Variants in CNTNAP2 observed in about 807,000 individuals in gnomAD.
CNTNAP2 encodes the protein contactin associated protein 2, also known as contactin-associated protein-like 2.
In CNTNAP2, 98 loss-of-function variants were observed where a neutral mutation model predicts 155.2. That is an observed-to-expected ratio of 0.63 (90% CI 0.54 to 0.75). The LOEUF is 0.75. CNTNAP2 is among the 30% of genes least tolerant of loss of function. The pLI, the probability that CNTNAP2 is intolerant of heterozygous loss-of-function variation, is 0.00. For missense variants in CNTNAP2, 1,727 were observed against 1,688.1 expected (o/e 1.02, Z -0.40); for synonymous variants, 651 against 631.2 (o/e 1.03, Z -0.47).
At chr7:146,946,093 C>CCTTT (rs1006677730) in intron 3 of CNTNAP2, among the ~76,000 whole-genome samples, 7 of 150,100 alleles carry the variant, frequency 4.7e-5, no homozygotes, top group Non-Finnish European at 8.9e-5. Context: ...TTCCTTCCTT[C>CCTTT]CTTTCCTTCT....
rs1424296861 is a variant in CNTNAP2, at chr7:148,416,730, A to G, written c.*1114A>G. On this transcript the variant is annotated 3_prime_UTR_variant, in exon 24 of 24. Transcript: ENST00000361727. ...TCTGGATGATATGGAAAACACTGCCATATTTTAAATCAACTACTCCACGTG... is the reference window on the plus strand; with the variant it reads ...TCTGGATGATATGGAAAACACTGCCGTATTTTAAATCAACTACTCCACGTG... 3 of 151,884 alleles carry G rather than the reference A, an allele frequency of 2.0e-5. No homozygotes were observed. The highest frequency in any genetic ancestry group is 1.9e-4 in the East Asian group (1 of 5,200). The allele number at this position is 151,884 out of a possible 1,614,324, so 9.4% of individuals were successfully genotyped here. A position where few individuals can be genotyped will look rare whatever the true frequency, so the allele number is the denominator to read the frequency against.
chr7:148,217,423 A>C lies in CNTNAP2; in HGVS notation c.3146A>C (p.Glu1049Ala). 1 of 1,614,160 alleles carries C rather than the reference A, an allele frequency of 6.2e-7. No individual in the cohort carries two copies. Among genetic ancestry groups the C allele is most frequent in the Non-Finnish European group, 8.5e-7 (1 of 1,180,028 alleles). Residue 1049 changes from glutamate (E) to alanine (A), a missense_variant, in exon 19 of 24, where the codon GAG becomes GCG. By Grantham distance (107) the Glu-to-Ala change is moderately radical. Coordinates refer to ENST00000361727, the MANE Select transcript of CNTNAP2 (RefSeq NM_014141.6). ...QQNSHPDLAQ[E>A]EIRFSFSTTK... is the part of the protein sequence containing the mutation. Reference sequence around the variant, plus strand: ...AACTCCCACCCGGACCTGGCACAGGAGGAGATCCGCTTCAGCTTCAGCACC... The same window carrying C: ...AACTCCCACCCGGACCTGGCACAGGCGGAGATCCGCTTCAGCTTCAGCACC...
chr7:147,851,278 G>A (rs1239219996), intron 13 of CNTNAP2, among the ~76,000 whole-genome samples: 2 of 152,170 alleles, frequency 1.3e-5, no homozygotes, highest in African/African-American at 4.8e-5. Flanking sequence ...AACAACAGGT[G>A]CTGGAGAGGA....
intron 4 of CNTNAP2, among the ~76,000 whole-genome samples, chr7:147,077,420 A>C (rs1457959686): frequency 6.6e-6 from 1 of 152,156 alleles, no homozygotes; most frequent in African/African-American, 2.4e-5. Flanking sequence ...GTATGATTCA[A>C]CTTCACAAAA....
chr7:147,658,998 G>T (rs1795573444), intron 13 of CNTNAP2, among the ~76,000 whole-genome samples: 1 of 152,158 alleles, frequency 6.6e-6, no homozygotes, highest in Admixed American at 6.5e-5. Flanking sequence ...CCTCAACCCA[G>T]CACTGACGAT....
chr7:147,981,537 C>A (rs1244706723), intron 15 of CNTNAP2, among the ~76,000 whole-genome samples: 1 of 152,134 alleles, frequency 6.6e-6, no homozygotes, highest in African/African-American at 2.4e-5. Flanking sequence ...GATGACAGCC[C>A]TCAGAACCTG....
intron 1 of CNTNAP2, among the ~76,000 whole-genome samples, chr7:146,696,362 A>G (rs1054568205): frequency 6.6e-6 from 1 of 152,156 alleles, no homozygotes; most frequent in East Asian, 1.9e-4. Context: ...TATGAAGTCA[A>G]TGTTAATTAC....
chr7:146,553,237 T>C (rs1449400734), intron 1 of CNTNAP2, among the ~76,000 whole-genome samples: 1 of 152,124 alleles, frequency 6.6e-6, no homozygotes, highest in Non-Finnish European at 1.5e-5. Flanking sequence ...TTTGAAATGC[T>C]AGAACATATA....
chr7:148,312,185 C>G (rs1797607889), intron 21 of CNTNAP2, among the ~76,000 whole-genome samples: 3 of 152,122 alleles, frequency 2.0e-5, no homozygotes, highest in Admixed American at 2.0e-4. Flanking sequence ...GTTGTTTGGA[C>G]AGAAAGGCTA....
At chr7:148,161,397 T>A (rs1046036695) in intron 17 of CNTNAP2, among the ~76,000 whole-genome samples, 5 of 152,180 alleles carry the variant, frequency 3.3e-5, no homozygotes, top group African/African-American at 4.8e-5. Context: ...ATTGTCTTCC[T>A]ACAATGAAAA....
At chr7:147,190,890 T>C (rs1731294003) in intron 8 of CNTNAP2, among the ~76,000 whole-genome samples, 1 of 151,962 alleles carries the variant, frequency 6.6e-6, no homozygotes, top group South Asian at 2.1e-4. Flanking sequence ...GACAGGAAAA[T>C]GATTGTGATA....
intron 21 of CNTNAP2, among the ~76,000 whole-genome samples, chr7:148,288,944 CAAAAAAA>C (rs58641348): frequency 0.072 from 7,294 of 101,778 alleles, 213 homozygotes; most frequent in Middle Eastern, 0.12. Flanking sequence ...TCTTATTCAG[CAAAAAAA>C]AAAAAAAAAA....
intron 15 of CNTNAP2, among the ~76,000 whole-genome samples, chr7:148,085,721 T>C (rs950734063): frequency 3.9e-5 from 6 of 151,922 alleles, no homozygotes; most frequent in Admixed American, 1.3e-4. Context: ...CCTTCCTTCC[T>C]TCCCTCCTTC....
intron 13 of CNTNAP2, among the ~76,000 whole-genome samples, chr7:147,712,444 C>T (rs952897758): frequency 6.6e-6 from 1 of 152,298 alleles, no homozygotes; most frequent in South Asian, 2.1e-4. Flanking sequence ...GACACATGCA[C>T]ATGTATGTTT....
chr7:148,352,154 C>A (rs899100404), intron 21 of CNTNAP2, among the ~76,000 whole-genome samples: 1 of 152,138 alleles, frequency 6.6e-6, no homozygotes, highest in Non-Finnish European at 1.5e-5. Flanking sequence ...AGCTGGATGC[C>A]GCTGAAGGGT....
chr7:147,990,625 G>A (rs1332874962), intron 15 of CNTNAP2, among the ~76,000 whole-genome samples: 2 of 152,104 alleles, frequency 1.3e-5, no homozygotes, highest in African/African-American at 4.8e-5. Flanking sequence ...ATCATTTGTG[G>A]TTTATGGTCA....
At position 146,814,278 on chromosome 7, in the gene CNTNAP2, C is replaced by A. The variant is rs568099977; in HGVS notation, c.209-25433C>A. Among the ~76,000 whole-genome samples, 8 of 152,066 alleles carry A rather than the reference C, an allele frequency of 5.3e-5. No individual in the cohort carries two copies. In the South Asian group the frequency reaches 1.7e-3, roughly 32 times the overall value. On this transcript the variant is annotated intron_variant, in intron 2 of 23. Coordinates refer to ENST00000361727, the MANE Select transcript of CNTNAP2 (RefSeq NM_014141.6). Reference sequence around the variant, plus strand: ...TTCCCTAGCCATTTCTTGGAGGTAGCCCCTTTGGAAGTATGACTAGACCTT... The same window carrying A: ...TTCCCTAGCCATTTCTTGGAGGTAGACCCTTTGGAAGTATGACTAGACCTT...
intron 11 of CNTNAP2, among the ~76,000 whole-genome samples, chr7:147,488,154 T>A (rs1798542770): frequency 6.6e-6 from 1 of 152,316 alleles, no homozygotes; most frequent in African/African-American, 2.4e-5. Flanking sequence ...ATGGATTAGT[T>A]AAAAATTTCA....
chr7:147,567,922 C>T (rs1347191984), intron 12 of CNTNAP2, among the ~76,000 whole-genome samples: 1 of 152,038 alleles, frequency 6.6e-6, no homozygotes, highest in Non-Finnish European at 1.5e-5. Flanking sequence ...CCCGTCTCTA[C>T]TAAAAATACA....
Sources: gnomAD v4.1 joint callset for allele counts (sites outside exome capture counted in the v4.1 genomes callset) on GRCh38, gnomAD v4.1.1 for gene constraint, MANE v1.5 for transcripts, NCBI Gene and HGNC (gene_info 2026-07-23, HGNC 2026-07-21) for gene names.